The following TMTC4 variants were observed in gnomAD, a reference collection of about 807,000 sequenced individuals.
TMTC4 encodes the protein protein O-mannosyl-transferase TMTC4.
In TMTC4, 65 loss-of-function variants were observed where a neutral mutation model predicts 86.0. That is an observed-to-expected ratio of 0.76 (90% CI 0.62 to 0.93). The LOEUF (loss-of-function observed/expected upper bound fraction) is 0.93, where lower values mean the gene tolerates loss of function less well. TMTC4 is among the 40% of genes least tolerant of loss of function. The probability of loss-of-function intolerance (pLI) is 0.00; values close to 1 mark genes in which losing one functional copy is unlikely to be tolerated. For missense variants in TMTC4, 866 were observed against 948.1 expected (o/e 0.91, Z 1.14); for synonymous variants, 379 against 382.5 (o/e 0.99, Z 0.11).
chr13:100,660,914 G>A (rs2786932), intron 5 of TMTC4, among the ~76,000 whole-genome samples: 107,461 of 152,044 alleles, frequency 0.71, 39,070 homozygotes, highest in East Asian at 0.96. Flanking sequence ...TCGGCCTCCC[G>A]AAGTGCTGTG....
upstream of TMTC4, chr13:100,674,903 C>G: frequency 3.0e-6 from 3 of 984,736 alleles, no homozygotes; most frequent in Non-Finnish European, 3.6e-6. Context: ...CGCGGGCGCC[C>G]CCCAGCACCA....
At chr13:100,657,880 C>A (rs1470925115) in intron 5 of TMTC4, among the ~76,000 whole-genome samples, 1 of 152,184 alleles carries the variant, frequency 6.6e-6, no homozygotes, top group Non-Finnish European at 1.5e-5. Flanking sequence ...GAGGACCATT[C>A]GTCACTGTAA....
rs371275596 is a variant in TMTC4 at position 100,626,055 on chromosome 13, G to C, written c.1586+16C>G. On this transcript the variant is annotated intron_variant, in intron 13 of 18. Transcript: ENST00000342624. ...ATCTGTGTACATAATTCTTCTGTAA[G>C]ACATACTCGCCATACCTTACAGCTT... 2 of 1,613,996 alleles carry C rather than the reference G, an allele frequency of 1.2e-6. No individual in the cohort carries two copies. Among genetic ancestry groups the C allele is most frequent in the African/African-American group, 2.7e-5 (2 of 74,938 alleles).
At chr13:100,647,074 G>A (rs561738606) in intron 6 of TMTC4, among the ~76,000 whole-genome samples, 36 of 152,272 alleles carry the variant, frequency 2.4e-4, no homozygotes, top group Non-Finnish European at 4.9e-4. Flanking sequence ...GGAGAAGTCC[G>A]GGCCTTCCGC....
At position 100,604,863 on chromosome 13, in the gene TMTC4, TTTG is replaced by T; in HGVS notation, c.*128_*130del. The T allele has an allele frequency of 9.3e-7, 1 of 1,074,830 alleles. No homozygotes were observed. The allele number at this position is 1,074,830 out of a possible 1,614,324, so 66.6% of individuals were successfully genotyped here. On this transcript the variant is annotated 3_prime_UTR_variant, in exon 19 of 19. Coordinates refer to ENST00000342624, the MANE Select transcript of TMTC4 (RefSeq NM_032813.5). Reference sequence around the variant, plus strand: ...TGGTGCTATAATCTTTTTGCATGTCTTTGTTTTCATAGAAAAAAATCAGTAAAA... The same window carrying T: ...TGGTGCTATAATCTTTTTGCATGTCTTTTTCATAGAAAAAAATCAGTAAAA...
chr13:100,651,654 TA>T (rs993301252), intron 6 of TMTC4, among the ~76,000 whole-genome samples: 23 of 152,058 alleles, frequency 1.5e-4, no homozygotes, highest in African/African-American at 5.1e-4. Flanking sequence ...GTCCCATCCA[TA>T]AAAAAAGTTA....
Position 100,637,593 on chromosome 13 carries a change from G to A in TMTC4, c.944C>T (p.Pro315Leu), listed in dbSNP as rs777266363. ...CGGGTTGTCCACCTCGGTGAAGGCC[G>A]GCGGGCCCGTGCCCATGATCCTCCA... ...VRWRIMGTGP[P>L]AFTEVDNPAS... Residue 315 changes from proline to leucine, a missense_variant, in exon 9 of 19, where the codon CCG (proline) becomes CTG (leucine). Coordinates refer to ENST00000342624, the MANE Select transcript of TMTC4 (RefSeq NM_032813.5). 1.4e-5 allele frequency: 23 copies of A among 1,614,042 alleles called. No individual in the cohort carries two copies. Among genetic ancestry groups the A allele is most frequent in the East Asian group, 4.5e-5 (2 of 44,896 alleles).
At chr13:100,656,299 C>G in intron 6 of TMTC4, 82 bp downstream of exon 6, 2 of 1,238,496 alleles carry the variant, frequency 1.6e-6, no homozygotes, top group Middle Eastern at 2.2e-4. Flanking sequence ...TAGATGGATT[C>G]TTTCCCGTAT....
In TMTC4 at chr13:100,626,085, G is replaced by T; in HGVS notation, c.1572C>A (p.Tyr524Ter). ...ACTCGCCATACCTTACAGCTTCCCG[G>T]TAGTATCTGATGGCAGCTGTCTGGT... ...KGNQTAAIRYYREAVRLNPKY... is the reference protein window; with the variant it reads ...KGNQTAAIRY The change falls in exon 13 of 19, where the codon TAC (tyrosine) becomes TAA (stop). Residue 524 changes from tyrosine (Y) to a stop codon, truncating the protein, a stop_gained. Transcript: ENST00000342624. LOFTEE classifies it high-confidence loss of function. The T allele has an allele frequency of 6.2e-7, 1 of 1,614,180 alleles. No homozygotes were observed. Among genetic ancestry groups the T allele is most frequent in the Non-Finnish European group, 8.5e-7 (1 of 1,180,030 alleles).
intron 17 of TMTC4, among the ~76,000 whole-genome samples, chr13:100,606,847 C>T (rs1358841911): frequency 1.3e-5 from 2 of 152,182 alleles, no homozygotes; most frequent in African/African-American, 2.4e-5. Flanking sequence ...CCCCCAAGAA[C>T]CTACAACACT....
At chr13:100,648,843 C>T (rs1442238085) in intron 6 of TMTC4, among the ~76,000 whole-genome samples, 1 of 152,128 alleles carries the variant, frequency 6.6e-6, no homozygotes, top group Non-Finnish European at 1.5e-5. Context: ...CCAGGCCTGG[C>T]TAATTTTTAA....
Position 100,636,616 on chromosome 13 carries a change from C to T in TMTC4, c.1118G>A (p.Arg373Lys). 1 of 1,614,206 alleles carries T rather than the reference C, an allele frequency of 6.2e-7. No individual in the cohort carries two copies. The highest frequency in any genetic ancestry group is 8.5e-7 in the Non-Finnish European group (1 of 1,180,030). ...IPLIKSISDW[R>K]VIALAALWFC... is the part of the protein sequence containing the mutation. ...CCAGAGTGCTGCAAGTGCAATTACCCTCCAGTCGCTGATGGACTTAATGAG... is the reference window on the plus strand; with the variant it reads ...CCAGAGTGCTGCAAGTGCAATTACCTTCCAGTCGCTGATGGACTTAATGAG... Residue 373 changes from arginine to lysine, a missense_variant, in exon 10 of 19, where the codon AGG becomes AAG. Arg to Lys is a conservative substitution (Grantham distance 26). Coordinates refer to ENST00000342624, the MANE Select transcript of TMTC4 (RefSeq NM_032813.5).
chr13:100,650,039 A>AAGACTGTT (rs1260788164), intron 6 of TMTC4, among the ~76,000 whole-genome samples: 2 of 152,054 alleles, frequency 1.3e-5, no homozygotes, highest in Non-Finnish European at 2.9e-5. Flanking sequence ...CCTCTCCATC[A>AAGACTGTT]AGACTGTTAC....
rs573195949 is a variant in TMTC4 at position 100,622,607 on chromosome 13, T to C, written c.1836+2928A>G. Reference sequence around the variant, plus strand: ...TTCTTTTGTCTGCTGCCATGTAAGATGTGCCTTTCACCTTCCACCTTGATT... The same window carrying C: ...TTCTTTTGTCTGCTGCCATGTAAGACGTGCCTTTCACCTTCCACCTTGATT... On this transcript the variant is annotated intron_variant, in intron 15 of 18. Transcript: ENST00000342624. 2.8e-4 allele frequency among the ~76,000 whole-genome samples: 42 copies of C among 152,246 alleles called. No individual in the cohort carries two copies. In the East Asian group the frequency reaches 5.6e-3, roughly 20 times the overall value.
At chr13:100,659,334 CA>C (rs1370322951) in intron 5 of TMTC4, among the ~76,000 whole-genome samples, 1 of 152,184 alleles carries the variant, frequency 6.6e-6, no homozygotes, top group African/African-American at 2.4e-5. Context: ...CTGGCGTGAT[CA>C]TAGCTCACTG....
chr13:100,609,597 C>T (rs59553130), intron 17 of TMTC4, among the ~76,000 whole-genome samples: 2,866 of 151,840 alleles, frequency 0.019, 79 homozygotes, highest in African/African-American at 0.057. Context: ...AATTAAATGG[C>T]AAGAAGTAAT....
At chr13:100,625,921 C>T in intron 13 of TMTC4, 29 bp from the exon 14 acceptor site, 14 of 1,604,232 alleles carry the variant, frequency 8.7e-6, no homozygotes, top group Non-Finnish European at 1.0e-5. Flanking sequence ...CCAAGCTGAC[C>T]ATTAAATGCT....
At chr13:100,634,275 A>G (rs1354392386) in intron 12 of TMTC4, among the ~76,000 whole-genome samples, 1 of 152,212 alleles carries the variant, frequency 6.6e-6, no homozygotes, top group Non-Finnish European at 1.5e-5. Context: ...CCCCCAAAAA[A>G]TCACTAGCAG....
rs145484167 is a variant in TMTC4 at position 100,654,392 on chromosome 13, T to C, written c.640+1989A>G. On this transcript the variant is annotated intron_variant, in intron 6 of 18. Transcript: ENST00000342624. ...AGGTCATGTTGGTACTTACAGTTAA[T>C]ATATTTATGTCAGTATTGAAATATA... Among the ~76,000 whole-genome samples the C allele has an allele frequency of 4.3e-3, 661 of 152,340 alleles. 10 individuals carry two copies. Among genetic ancestry groups the C allele is most frequent in the African/African-American group, 0.015 (629 of 41,582 alleles).
Sources: allele counts gnomAD v4.1 joint callset (sites outside exome capture counted in the v4.1 genomes callset), GRCh38; gene constraint gnomAD v4.1.1; transcripts MANE v1.5; gene names NCBI Gene and HGNC (gene_info 2026-07-23, HGNC 2026-07-21).